The following ZNF266 variants were observed in gnomAD, a reference collection of about 807,000 sequenced individuals.
The protein encoded by ZNF266 is zinc finger protein 1.
In ZNF266, 16 loss-of-function variants were observed where a neutral mutation model predicts 16.4. The ratio of observed to expected loss-of-function variants is 0.98; its 90% CI spans 0.66 to 1.48. The LOEUF is 1.48. Ranked by LOEUF, ZNF266 falls within the 40% of genes most tolerant of loss-of-function variation. ZNF266 has a pLI of 0.00. For synonymous variants in ZNF266, 262 were observed against 237.9 expected, an observed-to-expected ratio of 1.10 and a Z score of -0.93; for missense variants, 738 against 689.1, an observed-to-expected ratio of 1.07 and a Z score of -0.79.
intron 5 of ZNF266, among the ~76,000 whole-genome samples, chr19:9,433,111 C>T (rs1486106559): frequency 6.6e-6 from 1 of 152,156 alleles, no homozygotes; most frequent in African/African-American, 2.4e-5. Context: ...GGGAAGAAAC[C>T]AGAGTACCCA....
chr19:9,435,140 T>C lies in ZNF266; in HGVS notation c.-504A>G, dbSNP rs1007728603. Reference sequence around the variant, plus strand: ...AGCTGGACTCGCCAGGTACGGGAGATTGGGGGGATGAAGGACCAGTCAACC... The same window carrying C: ...AGCTGGACTCGCCAGGTACGGGAGACTGGGGGGATGAAGGACCAGTCAACC... On this transcript the variant is annotated 5_prime_UTR_variant, in exon 2 of 11. Transcript: ENST00000592904. 22 of 118,490 alleles carry C rather than the reference T, an allele frequency of 1.9e-4. No homozygotes were observed. The highest frequency in any genetic ancestry group is 7.2e-4 in the African/African-American group (21 of 29,044). The allele number at this position is 118,490 out of a possible 1,614,324, so 7.3% of individuals were successfully genotyped here.
At chr19:9,421,207 C>A (rs774238599) in intron 5 of ZNF266, among the ~76,000 whole-genome samples, 1 of 152,090 alleles carries the variant, frequency 6.6e-6, no homozygotes, top group African/African-American at 2.4e-5. Flanking sequence ...CCCACAAGGA[C>A]GCTACAGCCT....
intron 5 of ZNF266, among the ~76,000 whole-genome samples, chr19:9,428,550 G>C (rs1413976112): frequency 1.3e-5 from 2 of 152,104 alleles, no homozygotes; most frequent in Non-Finnish European, 2.9e-5. Flanking sequence ...CCATCCCTTA[G>C]CCAGGATGTC....
intron 9 of ZNF266, 138 bp downstream of exon 9, chr19:9,417,690 G>C (rs561708865): frequency 1.2e-3 from 721 of 601,130 alleles, no homozygotes; most frequent in Non-Finnish European, 1.7e-3. Context: ...GGAGGTTGCA[G>C]TGAGCTGAGA....
chr19:9,417,771 T>C (rs1480533278), intron 9 of ZNF266, 57 bp downstream of exon 9: 4 of 1,463,024 alleles, frequency 2.7e-6, no homozygotes, highest in Non-Finnish European at 3.8e-6. Flanking sequence ...AGTTTCCTCA[T>C]TATACTTATA....
At chr19:9,433,616 C>T (rs1478030477) in intron 5 of ZNF266, 52 bp downstream of exon 5, 1 of 152,078 alleles carries the variant, frequency 6.6e-6, no homozygotes, top group East Asian at 1.9e-4. Flanking sequence ...AAAACACATT[C>T]ATGCTTCTCC....
At chr19:9,430,729 A>G (rs1198218550) in intron 5 of ZNF266, among the ~76,000 whole-genome samples, 1 of 152,100 alleles carries the variant, frequency 6.6e-6, no homozygotes, top group Non-Finnish European at 1.5e-5. Flanking sequence ...ACAGCTGCTG[A>G]CCATAATGAA....
In ZNF266 at chr19:9,413,915, G is replaced by A. The variant is rs1439045276; in HGVS notation, c.1211C>T (p.Ser404Leu). The A allele has an allele frequency of 1.9e-6, 3 of 1,614,154 alleles. No homozygotes were observed. The South Asian group carries it at 3.3e-5, about 18-fold the overall frequency. Residue 404 changes from serine (S) to leucine (L), a missense_variant, in exon 11 of 11, where the codon TCA becomes TTA. Transcript: ENST00000592904. The stretch of plus-strand genomic sequence containing the variant: ...AATTCGAAAGTGATCACTGAGGCAT[G>A]AGGAATTTCTAAAGGATTTTCCACA... ...KICGKSFRNS[S>L]CLSDHFRIHT...
At chr19:9,425,817 C>T (rs529681165) in intron 5 of ZNF266, among the ~76,000 whole-genome samples, 76 of 152,302 alleles carry the variant, frequency 5.0e-4, no homozygotes, top group African/African-American at 1.7e-3. Flanking sequence ...AGACTGCTGT[C>T]ACTTCCCCAA....
intron 5 of ZNF266, among the ~76,000 whole-genome samples, chr19:9,433,290 G>C (rs1050930218): frequency 6.6e-6 from 1 of 152,124 alleles, no homozygotes; most frequent in Non-Finnish European, 1.5e-5. Context: ...GCCCACATTG[G>C]CAGGTGAGTT....
At chr19:9,418,055 A>T in intron 8 of ZNF266, 147 bp from the exon 9 acceptor site, 1 of 813,036 alleles carries the variant, frequency 1.2e-6, no homozygotes, top group East Asian at 2.6e-5. Flanking sequence ...CTGTGCCCCC[A>T]AAAGATTGGT....
At chr19:9,420,588 T>A (rs555528561) in intron 5 of ZNF266, 2 of 152,180 alleles carry the variant, frequency 1.3e-5, no homozygotes, top group African/African-American at 4.8e-5. Flanking sequence ...ACCCCATCTC[T>A]ACTGAAAACA....
intron 5 of ZNF266, among the ~76,000 whole-genome samples, chr19:9,426,491 C>CAA (rs1051219510): frequency 7.0e-6 from 1 of 143,052 alleles, no homozygotes; most frequent in Non-Finnish European, 1.5e-5. Context: ...AGTCTAAGAC[C>CAA]AAAAAAAAAG....
intron 9 of ZNF266, among the ~76,000 whole-genome samples, chr19:9,416,366 T>G (rs1375787855): frequency 8.1e-6 from 1 of 123,980 alleles, no homozygotes; most frequent in Admixed American, 8.1e-5. Context: ...TTGTTTTTTG[T>G]TTTTTTTTTT....
At chr19:9,417,538 C>A (rs1185151481) in intron 9 of ZNF266, among the ~76,000 whole-genome samples, 3 of 152,142 alleles carry the variant, frequency 2.0e-5, no homozygotes, top group Non-Finnish European at 4.4e-5. Context: ...ACCACACTGA[C>A]CAACACGGTC....
intron 10 of ZNF266, among the ~76,000 whole-genome samples, chr19:9,415,361 C>T (rs2068825095): frequency 6.6e-6 from 1 of 152,234 alleles, no homozygotes; most frequent in African/African-American, 2.4e-5. Context: ...TTCTGAGTCT[C>T]TCTCCAGAGT....
intron 9 of ZNF266, among the ~76,000 whole-genome samples, chr19:9,416,649 C>T (rs1230683269): frequency 6.7e-6 from 1 of 148,356 alleles, no homozygotes; most frequent in African/African-American, 2.5e-5. Context: ...CAGACGTGAG[C>T]CACCGTGCCA....
chr19:9,413,486 T>C lies in ZNF266; in HGVS notation c.1640A>G (p.Asn547Ser), dbSNP rs774150482. The C allele has an allele frequency of 6.2e-7, 1 of 1,612,944 alleles. No homozygotes were observed. Among genetic ancestry groups the C allele is most frequent in the South Asian group, 1.1e-5 (1 of 90,978 alleles). The change falls in exon 11 of 11, where the codon AAC becomes AGC. Residue 547 changes from asparagine to serine, a missense_variant. Coordinates refer to ENST00000592904, the MANE Select transcript of ZNF266 (RefSeq NM_001370374.1). ...TCCAGTGTGGATCCGCATGTGAAGG[T>C]TAACACACGTGGGAAACTTAAAAGC... ...GKAFKFPTCV[N>S]LHMRIHTGEK...
rs778858539 is a variant in ZNF266 at position 9,414,716 on chromosome 19, C to T, written c.410G>A (p.Gly137Glu). 13 of 1,557,998 alleles carry T rather than the reference C, an allele frequency of 8.3e-6. No homozygotes were observed. The highest frequency in any genetic ancestry group is 1.1e-5 in the Non-Finnish European group (13 of 1,147,846). Residue 137 changes from glycine (G) to glutamate (E), a missense_variant, in exon 11 of 11, where the codon GGA becomes GAA. By Grantham distance (98) the Gly-to-Glu change is moderately conservative (BLOSUM62 -2). Transcript: ENST00000592904. ...ACTGACCTCCCCTCCGTTGTGGCTT[C>T]CTATCTGTTGATAAAGGAATGAATG... Reference protein sequence around the residue: ...EPTSSGIQMIGSHNGGEVSDV... With the variant: ...EPTSSGIQMIESHNGGEVSDV...
Sources: gnomAD v4.1 joint callset for allele counts (sites outside exome capture counted in the v4.1 genomes callset) on GRCh38, gnomAD v4.1.1 for gene constraint, MANE v1.5 for transcripts, NCBI Gene and HGNC (gene_info 2026-07-23, HGNC 2026-07-21) for gene names.